ASXL3: variants seen among roughly 807,000 people sequenced by gnomAD.
ASXL3 encodes the protein ASXL transcriptional regulator 3.
A neutral mutation model predicts 170.6 loss-of-function variants in ASXL3; 34 were observed. The ratio of observed to expected loss-of-function variants is 0.20; its 90% CI spans 0.15 to 0.27. The LOEUF is 0.27. Ranked by LOEUF, ASXL3 falls within the 10% of genes least tolerant of loss-of-function variation. ASXL3 has a pLI of 1.00. For synonymous variants in ASXL3, 1,002 were observed against 989.1 expected, an observed-to-expected ratio of 1.01 and a Z score of -0.24; for missense variants, 2,592 against 2,695.3, an observed-to-expected ratio of 0.96 and a Z score of 0.85.
chr18:33,738,635 C>G lies in ASXL3; in HGVS notation c.1231C>G (p.Pro411Ala), dbSNP rs2067590086. Reference sequence around the variant, plus strand: ...ACAACAGCCAAAAAGCATGAAAAGCCCAGCTTCTCCAGAGCCTGGTTTCTG... The same window carrying G: ...ACAACAGCCAAAAAGCATGAAAAGCGCAGCTTCTCCAGAGCCTGGTTTCTG... ...AEQQPKSMKS[P>A]ASPEPGFCAT... Residue 411 changes from proline to alanine, a missense_variant, in exon 11 of 12, where the codon CCA (proline) becomes GCA (alanine). This residue lies in a region of ASXL3 where 2,246 missense variants were observed against 2,219.6 expected (regional missense o/e 1.01). Transcript: ENST00000269197. 6.2e-7 allele frequency: 1 copy of G among 1,613,876 alleles called. No homozygotes were observed. Among genetic ancestry groups the G allele is most frequent in the African/African-American group, 1.3e-5 (1 of 75,024 alleles).
At chr18:33,686,847 G>A (rs1447925265) in intron 8 of ASXL3, among the ~76,000 whole-genome samples, 1 of 152,158 alleles carries the variant, frequency 6.6e-6, no homozygotes, top group Non-Finnish European at 1.5e-5. Flanking sequence ...GAAGGGAAGA[G>A]AATCCAAAGG....
intron 7 of ASXL3, among the ~76,000 whole-genome samples, chr18:33,679,796 A>G (rs1456359380): frequency 6.6e-6 from 1 of 152,086 alleles, no homozygotes; most frequent in Admixed American, 6.5e-5. Flanking sequence ...GAGTCATAAT[A>G]TTATGCTTTT....
chr18:33,738,199 A>G (rs1323735202), intron 10 of ASXL3, among the ~76,000 whole-genome samples: 1 of 152,076 alleles, frequency 6.6e-6, no homozygotes, highest in Non-Finnish European at 1.5e-5. Context: ...ACTTTGTTGT[A>G]TGTAATTTTC....
In ASXL3 at chr18:33,659,974, C is replaced by T. The variant is rs576172251; in HGVS notation, c.356-1642C>T. Among the ~76,000 whole-genome samples, 4 of 152,152 alleles carry T rather than the reference C, an allele frequency of 2.6e-5. No homozygotes were observed. The South Asian group carries it at 8.3e-4, about 32-fold the overall frequency. ...TGTTTCCCCCTGCCTTTGTTAACTT[C>T]TAGTTTCAGTATCATGCAACTAAAT... On this transcript the variant is annotated intron_variant, in intron 4 of 11. Transcript: ENST00000269197.
chr18:33,745,024 G>C lies in ASXL3; in HGVS notation c.5176G>C (p.Ala1726Pro). The C allele has an allele frequency of 6.2e-7, 1 of 1,614,000 alleles. No individual in the cohort carries two copies. Among genetic ancestry groups the C allele is most frequent in the Non-Finnish European group, 8.5e-7 (1 of 1,179,902 alleles). The part of the protein sequence containing the change: ...MEEAISLATD[A>P]LKRVPGAGSS... ...AGAGGCTATTTCCTTGGCTACCGAT[G>C]CCCTGAAGAGAGTCCCTGGTGCAGG... is the stretch of plus-strand genomic sequence containing the variant. Residue 1726 changes from alanine (A) to proline (P), a missense_variant, in exon 12 of 12, where the codon GCC (alanine) becomes CCC (proline). Physicochemically the swap from Ala to Pro is conservative, Grantham distance 27. Coordinates refer to ENST00000269197, the MANE Select transcript of ASXL3 (RefSeq NM_030632.3).
At chr18:33,722,373 A>G (rs182497890) in intron 8 of ASXL3, among the ~76,000 whole-genome samples, 7 of 152,282 alleles carry the variant, frequency 4.6e-5, no homozygotes, top group Non-Finnish European at 8.8e-5. Flanking sequence ...TCTTGAGGGT[A>G]ATTAAAAGTG....
At chr18:33,681,506 G>T (rs570810936) in intron 7 of ASXL3, among the ~76,000 whole-genome samples, 1 of 151,980 alleles carries the variant, frequency 6.6e-6, no homozygotes. Context: ...TTGAAGAGAT[G>T]TCACTGTCTT....
At chr18:33,683,728 G>C (rs2066549815) in intron 8 of ASXL3, 160 bp downstream of exon 8, 1 of 747,704 alleles carries the variant, frequency 1.3e-6, no homozygotes. Context: ...CTCTAAAACA[G>C]AACCATTTTT....
chr18:33,588,109 G>T (rs1359198407), intron 1 of ASXL3, among the ~76,000 whole-genome samples: 4 of 152,026 alleles, frequency 2.6e-5, no homozygotes, highest in South Asian at 2.1e-4. Flanking sequence ...ATCATGCTGT[G>T]GTTTATAACC....
In ASXL3 at chr18:33,593,258, C is replaced by CTTT. The variant is rs34699815; in HGVS notation, c.55-14315_55-14313dup. 2.7e-3 allele frequency among the ~76,000 whole-genome samples: 233 copies of CTTT among 87,916 alleles called. 7 individuals are homozygous for CTTT. Among genetic ancestry groups the CTTT allele is most frequent in the African/African-American group, 7.3e-3 (163 of 22,194 alleles). The allele number at this position is 87,916 out of a possible 152,430, so 57.7% of individuals were successfully genotyped here. A position where few individuals can be genotyped will look rare whatever the true frequency, so the allele number is the denominator to read the frequency against. ...CTTTTCTTTCTCCCCCTATGCCCAC[C>CTTT]TTTTTTTTTTTTTTTTTTTTTTTGG... On this transcript the variant is annotated intron_variant, in intron 1 of 11. Coordinates refer to ENST00000269197, the MANE Select transcript of ASXL3 (RefSeq NM_030632.3).
At chr18:33,667,239 C>T (rs941796102) in intron 5 of ASXL3, among the ~76,000 whole-genome samples, 1 of 152,082 alleles carries the variant, frequency 6.6e-6, no homozygotes, top group African/African-American at 2.4e-5. Context: ...AGTCTTCTCA[C>T]TCCTATTCTG....
Position 33,743,196 on chromosome 18 carries a change from T to C in ASXL3, c.3348T>C (p.Ala1116=). The part of the protein sequence containing the change: ...TKAKLFAKHQ[A]RAHLFQTSKE... ...CTAAGCTCTTTGCAAAGCATCAAGC[T>C]CGAGCCCATCTCTTCCAGACCTCTA... The change falls in exon 12 of 12, where the codon GCT becomes GCC. Residue 1116 remains alanine (A), a synonymous_variant. Transcript: ENST00000269197. 1 of 1,613,906 alleles carries C rather than the reference T, an allele frequency of 6.2e-7. No homozygotes were observed. The highest frequency in any genetic ancestry group is 1.1e-5 in the South Asian group (1 of 91,068).
chr18:33,658,917 A>C (rs1243831380), intron 4 of ASXL3, among the ~76,000 whole-genome samples: 1 of 152,072 alleles, frequency 6.6e-6, no homozygotes, highest in African/African-American at 2.4e-5. Context: ...CTCCCTCTGA[A>C]ATTCTGGGCT....
At chr18:33,592,201 A>G (rs1332903545) in intron 1 of ASXL3, among the ~76,000 whole-genome samples, 3 of 152,176 alleles carry the variant, frequency 2.0e-5, no homozygotes, top group Non-Finnish European at 4.4e-5. Flanking sequence ...GGAAACAAAT[A>G]ATAGGACTTT....
At chr18:33,625,615 T>A (rs1391764916) in intron 2 of ASXL3, 4 of 152,154 alleles carry the variant, frequency 2.6e-5, no homozygotes, top group Non-Finnish European at 5.9e-5. Flanking sequence ...GAATGTTATG[T>A]TTGCTATCTC....
rs1208749934 is a variant in ASXL3, at chr18:33,740,119, G to A, written c.2715G>A (p.Lys905=). Residue 905 remains lysine, a synonymous_variant, in exon 11 of 12, where the codon AAG becomes AAA. Coordinates refer to ENST00000269197, the MANE Select transcript of ASXL3 (RefSeq NM_030632.3). The part of the protein sequence containing the change: ...NELPSAKLQD[K]QYISSVDKAP... ...TTCCATCTGCTAAATTACAGGACAA[G>A]CAATATATCTCATCAGTGGATAAGG... is the stretch of plus-strand genomic sequence containing the variant. 2 of 1,613,912 alleles carry A rather than the reference G, an allele frequency of 1.2e-6. No homozygotes were observed. Among genetic ancestry groups the A allele is most frequent in the East Asian group, 2.2e-5 (1 of 44,880 alleles).
At chr18:33,737,142 A>T (rs1175101979) in intron 10 of ASXL3, among the ~76,000 whole-genome samples, 2 of 152,190 alleles carry the variant, frequency 1.3e-5, no homozygotes, top group Non-Finnish European at 2.9e-5. Context: ...AATTCATCTT[A>T]GAGAACATTG....
At chr18:33,607,047 T>G (rs1206681458) in intron 1 of ASXL3, among the ~76,000 whole-genome samples, 1 of 151,908 alleles carries the variant, frequency 6.6e-6, no homozygotes, top group African/African-American at 2.4e-5. Context: ...TTACTTGAAA[T>G]TAATTGGAAA....
At chr18:33,668,063 C>T (rs1353229372) in intron 5 of ASXL3, among the ~76,000 whole-genome samples, 2 of 152,180 alleles carry the variant, frequency 1.3e-5, no homozygotes, top group South Asian at 4.1e-4. Flanking sequence ...TGACCCAAGT[C>T]ATTTACCCAG....
Sources: allele counts gnomAD v4.1 joint callset (sites outside exome capture counted in the v4.1 genomes callset), GRCh38; gene constraint gnomAD v4.1.1; regional missense constraint gnomAD v4.1.1; transcripts MANE v1.5; gene names NCBI Gene and HGNC (gene_info 2026-07-23, HGNC 2026-07-21).